PRORP: variants seen among roughly 807,000 people sequenced by gnomAD.
The protein encoded by PRORP is protein only RNase P catalytic subunit, also known as mitochondrial ribonuclease P catalytic subunit.
A neutral mutation model predicts 59.4 loss-of-function variants in PRORP; 51 were observed. That is an observed-to-expected ratio of 0.86 (90% CI 0.69 to 1.08). PRORP has a LOEUF of 1.08. Among genes scored for constraint, PRORP ranks in the 50% least tolerant of loss-of-function variants. The pLI is 0.00. For synonymous variants in PRORP, 231 were observed against 245.6 expected, an observed-to-expected ratio of 0.94 and a Z score of 0.55; for missense variants, 646 against 690.3, an observed-to-expected ratio of 0.94 and a Z score of 0.72.
chr14:35,138,308 G>A lies in PRORP; in HGVS notation c.1167+10697G>A, dbSNP rs1162574511. 8.2e-5 allele frequency among the ~76,000 whole-genome samples: 12 copies of A among 145,724 alleles called. 2 individuals carry two copies. The highest frequency in any genetic ancestry group is 1.7e-4 in the Non-Finnish European group (11 of 65,620). ...ACAGTCACATTCTGAAATACTATGG[G>A]CTGAGACTTCAACATATGAATTTGG... is the stretch of plus-strand genomic sequence containing the variant. On this transcript the variant is annotated intron_variant, in intron 4 of 7. Coordinates refer to ENST00000534898, the MANE Select transcript of PRORP (RefSeq NM_014672.4).
chr14:35,206,711 A>G (rs2049304106), intron 5 of PRORP, among the ~76,000 whole-genome samples: 1 of 152,174 alleles, frequency 6.6e-6, no homozygotes, highest in African/African-American at 2.4e-5. Flanking sequence ...CTGGGTGACT[A>G]TAGGTAAGAT....
chr14:35,241,504 T>A lies in PRORP; in HGVS notation c.1276-25223T>A, dbSNP rs376733163. Among the ~76,000 whole-genome samples the A allele has an allele frequency of 7.9e-4, 120 of 152,336 alleles. 1 individual carries two copies. The highest frequency in any genetic ancestry group is 2.7e-3 in the African/African-American group (114 of 41,580). On this transcript the variant is annotated intron_variant, in intron 5 of 7. Transcript: ENST00000534898. The stretch of plus-strand genomic sequence containing the variant: ...TTTCTCTTGGACAGTCTGCTCTGGA[T>A]TATTTTGGTCTTAGACCCTTTTCAT...
chr14:35,177,016 T>A (rs573107280), intron 4 of PRORP, among the ~76,000 whole-genome samples: 1 of 152,234 alleles, frequency 6.6e-6, no homozygotes, highest in African/African-American at 2.4e-5. Context: ...GTTTTTGTCT[T>A]TGGTTCTGTT....
intron 6 of PRORP, 91 bp downstream of exon 6, chr14:35,266,966 A>G (rs1303636616): frequency 2.5e-6 from 3 of 1,209,878 alleles, no homozygotes; most frequent in Non-Finnish European, 3.5e-6. Context: ...TTTTAAATGC[A>G]TGTGTATGTG....
intron 5 of PRORP, among the ~76,000 whole-genome samples, chr14:35,247,787 C>G (rs1363523678): frequency 6.6e-6 from 1 of 151,962 alleles, no homozygotes; most frequent in African/African-American, 2.4e-5. Flanking sequence ...CCTTTCTTGC[C>G]TTACAGGATA....
At chr14:35,183,333 C>T (rs768500433) in intron 5 of PRORP, among the ~76,000 whole-genome samples, 10 of 151,800 alleles carry the variant, frequency 6.6e-5, no homozygotes, top group Middle Eastern at 3.4e-3. Context: ...TTTTTGTTCA[C>T]GTTTTTTGAA....
At chr14:35,188,089 C>G (rs1007729468) in intron 5 of PRORP, among the ~76,000 whole-genome samples, 2 of 151,846 alleles carry the variant, frequency 1.3e-5, no homozygotes, top group Non-Finnish European at 2.9e-5. Context: ...ACCTCAGCCT[C>G]CCAAAGTGTG....
chr14:35,160,693 G>A (rs114868999), intron 4 of PRORP, among the ~76,000 whole-genome samples: 4,475 of 147,260 alleles, frequency 0.03, 196 homozygotes, highest in African/African-American at 0.099. Flanking sequence ...AGTAAACTGG[G>A]AATTAGAAAT....
Position 35,203,721 on chromosome 14 carries a change from G to A in PRORP, c.1275+22944G>A, listed in dbSNP as rs543249481. ...CTACTAAAAATACAAAAAATGAGCC[G>A]GGCAAGGTGGCAGGCGCCTGTAGTC... On this transcript the variant is annotated intron_variant, in intron 5 of 7. Coordinates refer to ENST00000534898, the MANE Select transcript of PRORP (RefSeq NM_014672.4). 3.9e-5 allele frequency among the ~76,000 whole-genome samples: 6 copies of A among 152,120 alleles called. No homozygotes were observed. In the East Asian group the frequency reaches 5.8e-4, roughly 15 times the overall value.
intron 5 of PRORP, among the ~76,000 whole-genome samples, chr14:35,190,598 G>A (rs969570465): frequency 3.3e-5 from 5 of 151,842 alleles, no homozygotes; most frequent in East Asian, 2.0e-4. Context: ...CTCCGCCTCC[G>A]GAGTTCAAGC....
At chr14:35,226,217 C>T (rs909812598) in intron 5 of PRORP, among the ~76,000 whole-genome samples, 10 of 152,184 alleles carry the variant, frequency 6.6e-5, no homozygotes, top group Admixed American at 6.5e-4. Context: ...AAATCTTTAA[C>T]TCCTCATCAT....
chr14:35,227,736 A>T (rs1595346675), intron 5 of PRORP, among the ~76,000 whole-genome samples: 2 of 152,324 alleles, frequency 1.3e-5, no homozygotes, highest in South Asian at 2.1e-4. Flanking sequence ...GGCATATTTT[A>T]AACTTTTTTT....
chr14:35,253,797 G>T lies in PRORP; in HGVS notation c.1276-12930G>T, dbSNP rs2050678631. ...TCTTTCTGAGAGACCACTGTCTCCT[G>T]GGTTTTCATCTTTTTGGTCATGCTT... On this transcript the variant is annotated intron_variant, in intron 5 of 7. Transcript: ENST00000534898. 2.0e-5 allele frequency among the ~76,000 whole-genome samples: 3 copies of T among 151,874 alleles called. No individual in the cohort carries two copies. The South Asian group carries it at 6.2e-4, about 32-fold the overall frequency.
At chr14:35,261,743 C>G (rs1566534829) in intron 5 of PRORP, among the ~76,000 whole-genome samples, 1 of 151,868 alleles carries the variant, frequency 6.6e-6, no homozygotes. Context: ...AAAAAACAAA[C>G]AAACTATTCC....
intron 5 of PRORP, among the ~76,000 whole-genome samples, chr14:35,190,601 G>A (rs1361772321): frequency 6.6e-6 from 1 of 152,036 alleles, no homozygotes; most frequent in African/African-American, 2.4e-5. Flanking sequence ...CGCCTCCGGA[G>A]TTCAAGCAAT....
chr14:35,189,299 C>T lies in PRORP; in HGVS notation c.1275+8522C>T, dbSNP rs574436513. ...TGTTGTCCAGGCTAGTCTCAAACCC[C>T]TGGGCTCAAGTGATCCGCCTGCTTC... is the stretch of plus-strand genomic sequence containing the variant. On this transcript the variant is annotated intron_variant, in intron 5 of 7. Transcript: ENST00000534898. Among the ~76,000 whole-genome samples the T allele has an allele frequency of 1.4e-4, 21 of 152,220 alleles. 1 individual carries two copies. The South Asian group carries it at 3.5e-3, about 26-fold the overall frequency.
chr14:35,151,511 A>G (rs1212132355), intron 4 of PRORP, among the ~76,000 whole-genome samples: 3 of 152,082 alleles, frequency 2.0e-5, no homozygotes, highest in South Asian at 4.1e-4. Flanking sequence ...TTCAGGTCAA[A>G]AAGGTCAGAA....
chr14:35,248,053 G>T (rs2050526331), intron 5 of PRORP, among the ~76,000 whole-genome samples: 1 of 152,164 alleles, frequency 6.6e-6, no homozygotes, highest in Non-Finnish European at 1.5e-5. Flanking sequence ...TGTTCCCAAA[G>T]CAGGAAGGGA....
chr14:35,236,315 T>A (rs140774679), intron 5 of PRORP, among the ~76,000 whole-genome samples: 6 of 152,302 alleles, frequency 3.9e-5, no homozygotes, highest in Non-Finnish European at 8.8e-5. Context: ...GAGACATGCT[T>A]TTCTGATTCT....
Sources: gnomAD v4.1 joint callset for allele counts (sites outside exome capture counted in the v4.1 genomes callset) on GRCh38, gnomAD v4.1.1 for gene constraint, MANE v1.5 for transcripts, NCBI Gene and HGNC (gene_info 2026-07-23, HGNC 2026-07-21) for gene names.